SCN2A: variants seen among roughly 807,000 people sequenced by gnomAD.
SCN2A encodes the protein sodium voltage-gated channel alpha subunit 2, also known as sodium channel protein type 2 subunit alpha.
In SCN2A, 20 loss-of-function variants were observed where a neutral mutation model predicts 188.7. The ratio of observed to expected loss-of-function variants is 0.11; its 90% confidence interval spans 0.07 to 0.15. The LOEUF (loss-of-function observed/expected upper bound fraction) is 0.15, where lower values mean the gene tolerates loss of function less well. Among genes scored for constraint, SCN2A ranks in the 10% least tolerant of loss-of-function variants. The probability of loss-of-function intolerance (pLI) is 1.00; values close to 1 mark genes in which losing one functional copy is unlikely to be tolerated. For missense variants in SCN2A, 1,278 were observed against 2,445.0 expected (o/e 0.52, Z 10.07); for synonymous variants, 804 against 833.1 (o/e 0.97, Z 0.60).
intron 1 of SCN2A, among the ~76,000 whole-genome samples, chr2:165,241,581 C>T (rs749872354): frequency 9.8e-5 from 15 of 152,308 alleles, no homozygotes; most frequent in East Asian, 1.9e-4. Context: ...TGGAATACCA[C>T]GTACCAACCA....
intron 14 of SCN2A, among the ~76,000 whole-genome samples, chr2:165,333,133 C>T (rs1574615050): frequency 1.3e-5 from 2 of 152,028 alleles, no homozygotes; most frequent in South Asian, 4.1e-4. Flanking sequence ...CCATATTCGC[C>T]TAAATCAGAA....
At chr2:165,306,629 T>C (rs1197151294) in intron 3 of SCN2A, among the ~76,000 whole-genome samples, 1 of 151,314 alleles carries the variant, frequency 6.6e-6, no homozygotes, top group African/African-American at 2.4e-5. Flanking sequence ...ATGAAAAAAC[T>C]GAGAATTAAG....
chr2:165,305,325 T>C (rs1187994300), intron 3 of SCN2A, among the ~76,000 whole-genome samples: 1 of 152,204 alleles, frequency 6.6e-6, no homozygotes, highest in Non-Finnish European at 1.5e-5. Context: ...GTTGATAAGA[T>C]ATGTAAGTAC....
chr2:165,315,149 C>G (rs909128869), intron 10 of SCN2A, among the ~76,000 whole-genome samples: 4 of 152,096 alleles, frequency 2.6e-5, no homozygotes, highest in Admixed American at 6.5e-5. Context: ...CATATTATTT[C>G]CTTCTTAAAA....
At chr2:165,248,710 T>A (rs1263322113) in intron 1 of SCN2A, among the ~76,000 whole-genome samples, 2 of 152,162 alleles carry the variant, frequency 1.3e-5, no homozygotes, top group Non-Finnish European at 2.9e-5. Flanking sequence ...TTTCTCTTGT[T>A]GGTAATTTAA....
At chr2:165,362,256 A>T (rs1225833578) in intron 17 of SCN2A, among the ~76,000 whole-genome samples, 1 of 152,040 alleles carries the variant, frequency 6.6e-6, no homozygotes, top group East Asian at 1.9e-4. Context: ...TGGCTTTAGG[A>T]AAAAGGTATC....
At chr2:165,279,919 CCGATGGT>C (rs1182615589) in intron 1 of SCN2A, among the ~76,000 whole-genome samples, 2 of 152,104 alleles carry the variant, frequency 1.3e-5, no homozygotes, top group Admixed American at 1.3e-4. Flanking sequence ...CTCATAAGAT[CCGATGGT>C]TGTATAAGGG....
intron 20 of SCN2A, 39 bp from the exon 21 acceptor site, chr2:165,373,186 A>G: frequency 2.5e-6 from 4 of 1,606,978 alleles, no homozygotes; most frequent in Non-Finnish European, 3.4e-6. Context: ...AGACATTTTT[A>G]TATGTAAATA....
chr2:165,291,980 G>A (rs561817201), intron 1 of SCN2A, among the ~76,000 whole-genome samples: 1 of 152,184 alleles, frequency 6.6e-6, no homozygotes, highest in Admixed American at 6.5e-5. Context: ...CTGAATTGAG[G>A]TCTGGAAGGT....
intron 17 of SCN2A, among the ~76,000 whole-genome samples, chr2:165,358,659 T>G (rs1372808678): frequency 1.3e-5 from 2 of 151,858 alleles, no homozygotes; most frequent in Non-Finnish European, 2.9e-5. Flanking sequence ...AGATTTAGAG[T>G]CCATCTTCTT....
At chr2:165,307,570 A>G (rs1697202618) in intron 3 of SCN2A, among the ~76,000 whole-genome samples, 1 of 152,112 alleles carries the variant, frequency 6.6e-6, no homozygotes, top group Non-Finnish European at 1.5e-5. Context: ...TAAGTTGATA[A>G]ATTATTCACT....
In SCN2A at chr2:165,344,865, T is replaced by C. The variant is rs779244015; in HGVS notation, c.2873T>C (p.Met958Thr). Residue 958 changes from methionine to threonine, a missense_variant, in exon 16 of 27, where the codon ATG (methionine) becomes ACG (threonine). This residue lies in a region of SCN2A where 83 missense variants were observed against 256.8 expected (regional missense o/e 0.32). Coordinates refer to ENST00000375437, the MANE Select transcript of SCN2A (RefSeq NM_001040142.2). ...TGTATGGAGGTCGCTGGCCAAACCA[T>C]GTGCCTTACTGTCTTCATGATGGTC... ...WDCMEVAGQTMCLTVFMMVMV... is the reference protein window; with the variant it reads ...WDCMEVAGQTTCLTVFMMVMV... 6.2e-7 allele frequency: 1 copy of C among 1,614,176 alleles called. No homozygotes were observed. The highest frequency in any genetic ancestry group is 1.1e-5 in the South Asian group (1 of 91,084).
chr2:165,354,751 T>C (rs2105337815), intron 17 of SCN2A, 80 bp downstream of exon 17: 2 of 1,415,620 alleles, frequency 1.4e-6, no homozygotes, highest in African/African-American at 1.4e-5. Flanking sequence ...TTAAATTGCG[T>C]GTTTCCTTCC....
At chr2:165,344,533 C>A in intron 15 of SCN2A, 22 bp from the exon 16 acceptor site, 1 of 1,595,664 alleles carries the variant, frequency 6.3e-7, no homozygotes. Flanking sequence ...AGCATTAACA[C>A]TGTTCTTGCT....
At position 165,331,279 on chromosome 2, in the gene SCN2A, T is replaced by C. The variant is rs1322121789; in HGVS notation, c.2150-51T>C. The C allele has an allele frequency of 3.0e-6, 4 of 1,351,232 alleles. No homozygotes were observed. The South Asian group carries it at 4.7e-5, about 16-fold the overall frequency. 83.7% of individuals were successfully genotyped at this position (1,351,232 alleles called of 1,614,324 possible). ...TCCTTTTAATTTAAACCAAATCTGC[T>C]TAATAGAAAGTAAGCAGTTTTCATG... On this transcript the variant is annotated intron_variant, in intron 13 of 26. Transcript: ENST00000375437.
intron 20 of SCN2A, 97 bp downstream of exon 20, chr2:165,370,396 T>A (rs1700964563): frequency 1.7e-6 from 2 of 1,173,718 alleles, no homozygotes; most frequent in Non-Finnish European, 2.6e-6. Context: ...TAACACTGTA[T>A]CAGCCCAAAT....
At chr2:165,355,681 T>C (rs1457110758) in intron 17 of SCN2A, among the ~76,000 whole-genome samples, 2 of 151,988 alleles carry the variant, frequency 1.3e-5, no homozygotes, top group African/African-American at 4.8e-5. Flanking sequence ...CACTGAAAGG[T>C]AAAATTTAAG....
intron 1 of SCN2A, among the ~76,000 whole-genome samples, chr2:165,251,505 G>A (rs1263891820): frequency 6.6e-6 from 1 of 152,034 alleles, no homozygotes; most frequent in Non-Finnish European, 1.5e-5. Flanking sequence ...GCCCAGTGAC[G>A]ATTATCTTGT....
intron 1 of SCN2A, among the ~76,000 whole-genome samples, chr2:165,291,507 C>CTT (rs1378800420): frequency 8.0e-4 from 83 of 104,280 alleles, no homozygotes; most frequent in Non-Finnish European, 1.2e-3. Flanking sequence ...TTCTTTCTTT[C>CTT]TTTCTTCCTC....
Sources: gnomAD v4.1 joint callset for allele counts (sites outside exome capture counted in the v4.1 genomes callset) on GRCh38, gnomAD v4.1.1 for gene constraint, gnomAD v4.1.1 regional missense constraint, MANE v1.5 for transcripts, NCBI Gene and HGNC (gene_info 2026-07-23, HGNC 2026-07-21) for gene names.